GLIS3: variants seen among roughly 807,000 people sequenced by gnomAD.
The protein encoded by GLIS3 is GLIS family zinc finger 3.
GLIS3 carries 53 observed loss-of-function variants against 78.6 expected under a neutral mutation model. That is an observed-to-expected ratio of 0.67 (90% CI 0.54 to 0.85). The LOEUF (loss-of-function observed/expected upper bound fraction) is 0.85. Among genes scored for constraint, GLIS3 ranks in the 40% least tolerant of loss-of-function variants. The pLI, the probability that GLIS3 is intolerant of heterozygous loss-of-function variation, is 0.00. For missense variants in GLIS3, 1,703 were observed against 1,231.1 expected, an observed-to-expected ratio of 1.38 and a Z score of -5.74; for synonymous variants, 684 against 509.9, an observed-to-expected ratio of 1.34 and a Z score of -4.60.
intron 4 of GLIS3, among the ~76,000 whole-genome samples, chr9:4,020,015 C>G (rs530444796): frequency 1.3e-5 from 2 of 152,128 alleles, no homozygotes; most frequent in Non-Finnish European, 1.5e-5. Flanking sequence ...CCTCCCAAAG[C>G]ACTGGGATTA....
chr9:4,220,078 G>C (rs919941323), intron 2 of GLIS3, among the ~76,000 whole-genome samples: 10 of 152,078 alleles, frequency 6.6e-5, no homozygotes, highest in Non-Finnish European at 1.2e-4. Flanking sequence ...GACTCAACAG[G>C]CTGCATAAAA....
rs1196601022 is a variant in GLIS3, at chr9:3,977,132, G to T, written c.1711-39943C>A. ...CTAGTTGATGACCAGTTTTCACTTA[G>T]GATCTGCAGAATTCACACCACTCGA... On this transcript the variant is annotated intron_variant, in intron 4 of 10. Coordinates refer to ENST00000381971, the MANE Select transcript of GLIS3 (RefSeq NM_001042413.2). The surrounding 1 kb of genome is among the most constrained non-coding windows in gnomAD (Gnocchi z 4.1). Among the ~76,000 whole-genome samples, 2 of 152,124 alleles carry T rather than the reference G, an allele frequency of 1.3e-5. No individual in the cohort carries two copies. Among genetic ancestry groups the T allele is most frequent in the East Asian group, 3.8e-4 (2 of 5,204 alleles).
At chr9:4,053,705 T>TTAAAAAAAAAAAAAAAA (rs1554682400) in intron 4 of GLIS3, among the ~76,000 whole-genome samples, 1 of 91,128 alleles carries the variant, frequency 1.1e-5, no homozygotes, top group Non-Finnish European at 2.3e-5. Flanking sequence ...TCTTTCTTCA[T>TTAAAAAAAAAAAAAAAA]AAAAAAAAAA....
chr9:4,483,102 T>C, the GLIS3 span, among the ~76,000 whole-genome samples: 4 of 152,200 alleles, frequency 2.6e-5, no homozygotes, highest in African/African-American at 9.6e-5. Context: ...TTTGTGTCCA[T>C]GACTATTAGA....
intron 1 of GLIS3, among the ~76,000 whole-genome samples, chr9:4,293,752 T>C (rs1317520114): frequency 6.6e-6 from 1 of 152,234 alleles, no homozygotes; most frequent in East Asian, 1.9e-4. Flanking sequence ...GATCTCTTTA[T>C]CATGGAGCAT....
intron 4 of GLIS3, among the ~76,000 whole-genome samples, chr9:4,011,752 CTTA>C (rs1822029750): frequency 6.6e-6 from 1 of 152,160 alleles, no homozygotes; most frequent in Admixed American, 6.5e-5. Context: ...GGCCAGACAC[CTTA>C]CTCTGACACT....
At chr9:4,203,215 T>G (rs907636078) in intron 2 of GLIS3, among the ~76,000 whole-genome samples, 6 of 152,154 alleles carry the variant, frequency 3.9e-5, no homozygotes, top group Non-Finnish European at 7.3e-5. Context: ...CCAACAGACA[T>G]GAAGAAATGC....
At chr9:4,015,988 T>C (rs910828955) in intron 4 of GLIS3, among the ~76,000 whole-genome samples, 7 of 150,140 alleles carry the variant, frequency 4.7e-5, no homozygotes, top group African/African-American at 1.7e-4. Context: ...GTATAGCTAA[T>C]AAATTGTCTC....
chr9:4,260,958 A>G (rs1825472112), intron 2 of GLIS3, among the ~76,000 whole-genome samples: 1 of 152,214 alleles, frequency 6.6e-6, no homozygotes, highest in African/African-American at 2.4e-5. Context: ...TGTGTATACT[A>G]AAGAAATTAA....
At chr9:3,984,879 G>A (rs373432552) in intron 4 of GLIS3, among the ~76,000 whole-genome samples, 12 of 152,114 alleles carry the variant, frequency 7.9e-5, no homozygotes, top group Non-Finnish European at 1.6e-4. Flanking sequence ...GAGATCTGAT[G>A]GTTTTCAAAG....
chr9:3,950,395 C>G (rs1243709318), intron 4 of GLIS3, among the ~76,000 whole-genome samples: 3 of 152,244 alleles, frequency 2.0e-5, no homozygotes, highest in African/African-American at 7.2e-5. Context: ...AGCCCAAAGC[C>G]TCGCCATGGC....
chr9:3,953,683 T>C (rs1426012856), intron 4 of GLIS3, among the ~76,000 whole-genome samples: 1 of 152,108 alleles, frequency 6.6e-6, no homozygotes, highest in Non-Finnish European at 1.5e-5. Flanking sequence ...GTTGAAAACA[T>C]ATTTTTGATA....
the GLIS3 span, among the ~76,000 whole-genome samples, chr9:4,379,586 T>C: frequency 3.4e-4 from 52 of 152,318 alleles, no homozygotes; most frequent in African/African-American, 1.2e-3. Context: ...CCTTGAGTTA[T>C]TTCATTGCCA....
At chr9:4,452,153 G>A in the GLIS3 span, among the ~76,000 whole-genome samples, 1 of 152,054 alleles carries the variant, frequency 6.6e-6, no homozygotes, top group Admixed American at 6.6e-5. Flanking sequence ...CAATAAAGTA[G>A]GTATTGATGG....
intron 2 of GLIS3, among the ~76,000 whole-genome samples, chr9:4,236,545 G>A (rs770131723): frequency 6.6e-6 from 1 of 152,024 alleles, no homozygotes; most frequent in Non-Finnish European, 1.5e-5. Context: ...AGCTGTAGAG[G>A]CATACCTCAT....
intron 4 of GLIS3, among the ~76,000 whole-genome samples, chr9:4,002,154 T>A (rs191263403): frequency 5.3e-5 from 8 of 152,174 alleles, no homozygotes; most frequent in Non-Finnish European, 1.0e-4. Context: ...AGGAAGATCA[T>A]TGAGTAGTAG....
intron 2 of GLIS3, among the ~76,000 whole-genome samples, chr9:4,200,497 C>T (rs1028071303): frequency 1.3e-5 from 2 of 152,022 alleles, no homozygotes; most frequent in Admixed American, 6.6e-5. Flanking sequence ...CCCAAAGAAA[C>T]ACAAAGGATC....
chr9:4,121,620 GACACACACACACACAC>G (rs767610111), intron 3 of GLIS3, among the ~76,000 whole-genome samples: 13 of 142,114 alleles, frequency 9.1e-5, no homozygotes, highest in Non-Finnish European at 1.7e-4. Flanking sequence ...TTCTCCCAGT[GACACACACACACACAC>G]ACACACACAC....
At chr9:4,053,521 C>T (rs761077592) in intron 4 of GLIS3, among the ~76,000 whole-genome samples, 6 of 151,804 alleles carry the variant, frequency 4.0e-5, no homozygotes, top group African/African-American at 1.2e-4. Flanking sequence ...TTAAACTCCA[C>T]GAGGGCAGGA....
Sources: gnomAD v4.1 joint callset for allele counts (sites outside exome capture counted in the v4.1 genomes callset) on GRCh38, gnomAD v4.1.1 for gene constraint, Gnocchi (gnomAD v3.1) non-coding constraint, MANE v1.5 for transcripts, NCBI Gene and HGNC (gene_info 2026-07-23, HGNC 2026-07-21) for gene names.